Variants in FBXO32 observed in about 807,000 individuals in gnomAD.
The protein encoded by FBXO32 is F-box protein 32.
Under a neutral mutation model 48.3 loss-of-function variants are expected in FBXO32, and 15 were observed. That is an observed-to-expected ratio of 0.31 (90% CI 0.21 to 0.48). The LOEUF (loss-of-function observed/expected upper bound fraction) is 0.48, where lower values mean the gene tolerates loss of function less well. FBXO32 is among the 20% of genes least tolerant of loss of function. The probability of loss-of-function intolerance (pLI) is 0.99; values close to 1 mark genes in which losing one functional copy is unlikely to be tolerated. For synonymous variants in FBXO32, 154 were observed against 165.9 expected (o/e 0.93, Z 0.55); for missense variants, 309 against 432.7 (o/e 0.71, Z 2.54).
intron 4 of FBXO32, among the ~76,000 whole-genome samples, chr8:123,519,164 A>C (rs1160388224): frequency 6.6e-6 from 1 of 152,220 alleles, no homozygotes; most frequent in East Asian, 1.9e-4. Context: ...CAGTTTGTCA[A>C]GGCCAATCAA....
At chr8:123,511,817 G>A (rs901929961) in intron 6 of FBXO32, among the ~76,000 whole-genome samples, 2 of 152,168 alleles carry the variant, frequency 1.3e-5, no homozygotes, top group African/African-American at 2.4e-5. Flanking sequence ...TTGCTGAAGG[G>A]AAGTGCCCTT....
At position 123,533,858 on chromosome 8, in the gene FBXO32, A is replaced by G. The variant is rs542232852; in HGVS notation, c.230-618T>C. On this transcript the variant is annotated intron_variant, in intron 2 of 8. Transcript: ENST00000517956. ...ACAGACTGAGTTACATGCTGTGAAC[A>G]GAGCGGGGTAGATCGCTTGAGCCCT... Among the ~76,000 whole-genome samples, 258 of 151,738 alleles carry G rather than the reference A, an allele frequency of 1.7e-3. 1 individual carries two copies. Among genetic ancestry groups the G allele is most frequent in the African/African-American group, 6.0e-3 (248 of 41,358 alleles).
chr8:123,537,222 G>C lies in FBXO32; in HGVS notation c.117-2408C>G, dbSNP rs192238541. On this transcript the variant is annotated intron_variant, in intron 1 of 8. Coordinates refer to ENST00000517956, the MANE Select transcript of FBXO32 (RefSeq NM_058229.4). ...AACAAGAAAAACCACCACCATTTAG[G>C]AATTGGAGCACAGGATTTTTTTTTT... 3.4e-3 allele frequency among the ~76,000 whole-genome samples: 508 copies of C among 151,334 alleles called. 2 individuals are homozygous for C. Among genetic ancestry groups the C allele is most frequent in the Middle Eastern group, 6.8e-3 (2 of 292 alleles).
rs909313440 is a variant in FBXO32 at position 123,540,144 on chromosome 8, C to G, written c.116+755G>C. The stretch of plus-strand genomic sequence containing the variant: ...AGGCTTTTCGCAGCTGACAGGCACC[C>G]CTGGAAACGGAGTGCACTCTATACA... On this transcript the variant is annotated intron_variant, in intron 1 of 8. Transcript: ENST00000517956. This position sits in a 1 kb window ranked among gnomAD's most constrained non-coding sequence, Gnocchi z 6.4. 7.9e-5 allele frequency among the ~76,000 whole-genome samples: 12 copies of G among 152,158 alleles called. No individual in the cohort carries two copies. The highest frequency in any genetic ancestry group is 1.8e-4 in the Non-Finnish European group (12 of 68,034).
chr8:123,539,214 C>A (rs1006874782), intron 1 of FBXO32, among the ~76,000 whole-genome samples: 2 of 152,106 alleles, frequency 1.3e-5, no homozygotes, highest in African/African-American at 4.8e-5. Context: ...GAGCATCCTG[C>A]AATTATATTT....
chr8:123,528,265 C>T (rs1022104907), intron 4 of FBXO32, among the ~76,000 whole-genome samples: 11 of 152,240 alleles, frequency 7.2e-5, no homozygotes, highest in Non-Finnish European at 1.5e-4. Flanking sequence ...GTGATGGTCT[C>T]CGAAACCTTC....
Position 123,504,590 on chromosome 8 carries a change from T to C in FBXO32, c.978+14A>G. ...GGGCTGGGGGTCTGTGGCAGCCACCTCTGAGACACATACCTTCCAGGAAAG... is the reference window on the plus strand; with the variant it reads ...GGGCTGGGGGTCTGTGGCAGCCACCCCTGAGACACATACCTTCCAGGAAAG... On this transcript the variant is annotated intron_variant, in intron 8 of 8. Transcript: ENST00000517956. 1 of 1,610,176 alleles carries C rather than the reference T, an allele frequency of 6.2e-7. No individual in the cohort carries two copies. Among genetic ancestry groups the C allele is most frequent in the Non-Finnish European group, 8.5e-7 (1 of 1,178,200 alleles).
chr8:123,538,686 A>G (rs1316760824), intron 1 of FBXO32, among the ~76,000 whole-genome samples: 1 of 152,196 alleles, frequency 6.6e-6, no homozygotes, highest in Non-Finnish European at 1.5e-5. Flanking sequence ...CTTTGCTAGG[A>G]GGCTACCAAA....
chr8:123,519,291 C>T (rs933589440), intron 4 of FBXO32, among the ~76,000 whole-genome samples: 3 of 152,116 alleles, frequency 2.0e-5, no homozygotes, highest in Admixed American at 6.5e-5. Flanking sequence ...TGGCGGCTCA[C>T]GCCTGTAATC....
At chr8:123,528,286 C>T (rs1817129561) in intron 4 of FBXO32, among the ~76,000 whole-genome samples, 1 of 152,162 alleles carries the variant, frequency 6.6e-6, no homozygotes, top group African/African-American at 2.4e-5. Context: ...TCCTGGTTGA[C>T]TTGATGCCCA....
chr8:123,535,290 C>A (rs1351610570), intron 1 of FBXO32, among the ~76,000 whole-genome samples: 1 of 152,108 alleles, frequency 6.6e-6, no homozygotes, highest in Non-Finnish European at 1.5e-5. Flanking sequence ...ACATACCATA[C>A]AATTCATCCA....
intron 1 of FBXO32, among the ~76,000 whole-genome samples, chr8:123,538,906 G>A (rs1817360265): frequency 6.6e-6 from 1 of 152,122 alleles, no homozygotes; most frequent in Admixed American, 6.5e-5. Flanking sequence ...CCATCTTCAG[G>A]TCTTCCATAC....
chr8:123,506,329 A>G lies in FBXO32; in HGVS notation c.834+63T>C. 6.4e-7 allele frequency: 1 copy of G among 1,565,348 alleles called. No individual in the cohort carries two copies. The highest frequency in any genetic ancestry group is 8.7e-7 in the Non-Finnish European group (1 of 1,145,184). On this transcript the variant is annotated intron_variant, in intron 7 of 8. Transcript: ENST00000517956. The surrounding 1 kb of genome is among the most constrained non-coding windows in gnomAD (Gnocchi z 4.0). The stretch of plus-strand genomic sequence containing the variant: ...GACCTCAGGCTTGAGCAGGGCACCA[A>G]GGAAGTTTGGGGTGAGGGCCAGAGA...
In FBXO32 at chr8:123,498,860, A is replaced by C. The variant is rs1463273386; in HGVS notation, c.*4513T>G. ...CTCACTGGAATGCCACATTCACAACAGAATCAGAGGTCTGTGAAAACATTA... is the reference window on the plus strand; with the variant it reads ...CTCACTGGAATGCCACATTCACAACCGAATCAGAGGTCTGTGAAAACATTA... On this transcript the variant is annotated 3_prime_UTR_variant, in exon 9 of 9. Coordinates refer to ENST00000517956, the MANE Select transcript of FBXO32 (RefSeq NM_058229.4). The C allele has an allele frequency of 1.3e-5, 2 of 152,246 alleles. No homozygotes were observed. The highest frequency in any genetic ancestry group is 1.3e-4 in the Admixed American group (2 of 15,284). The allele number at this position is 152,246 out of a possible 1,614,324, so 9.4% of individuals were successfully genotyped here.
Position 123,506,266 on chromosome 8 carries a change from T to G in FBXO32, c.834+126A>C. 9.5e-7 allele frequency: 1 copy of G among 1,047,472 alleles called. No homozygotes were observed. The highest frequency in any genetic ancestry group is 1.5e-5 in the South Asian group (1 of 64,640). 64.9% of individuals were successfully genotyped at this position (1,047,472 alleles called of 1,614,324 possible). A position where few individuals can be genotyped will look rare whatever the true frequency, so the allele number is the denominator to read the frequency against. On this transcript the variant is annotated intron_variant, in intron 7 of 8. Transcript: ENST00000517956. This position sits in a 1 kb window ranked among gnomAD's most constrained non-coding sequence, Gnocchi z 4.0. Reference sequence around the variant, plus strand: ...CACAAAACTCCTTCAACTGTCATTTTTCAGTCAAACCAGGGAACCTGGAAT... The same window carrying G: ...CACAAAACTCCTTCAACTGTCATTTGTCAGTCAAACCAGGGAACCTGGAAT...
chr8:123,541,083 G>C lies in FBXO32; in HGVS notation c.-69C>G, dbSNP rs905078025. On this transcript the variant is annotated 5_prime_UTR_variant, in exon 1 of 9. Coordinates refer to ENST00000517956, the MANE Select transcript of FBXO32 (RefSeq NM_058229.4). The stretch of plus-strand genomic sequence containing the variant: ...TGGTGGGCTCGGGGACGTGCCACCC[G>C]GGGCGGATGCTCGGGGTGCAGGGGC... The C allele has an allele frequency of 1.0e-5, 11 of 1,070,388 alleles. No individual in the cohort carries two copies. Among genetic ancestry groups the C allele is most frequent in the African/African-American group, 1.7e-5 (1 of 59,816 alleles). 66.3% of individuals were successfully genotyped at this position (1,070,388 alleles called of 1,614,324 possible). A position where few individuals can be genotyped will look rare whatever the true frequency, so the allele number is the denominator to read the frequency against.
At chr8:123,538,387 C>T (rs1184790363) in intron 1 of FBXO32, among the ~76,000 whole-genome samples, 1 of 152,178 alleles carries the variant, frequency 6.6e-6, no homozygotes, top group African/African-American at 2.4e-5. Flanking sequence ...TCTACCATGT[C>T]TCTGTAGTTC....
At chr8:123,536,559 T>C (rs1375179599) in intron 1 of FBXO32, among the ~76,000 whole-genome samples, 2 of 152,208 alleles carry the variant, frequency 1.3e-5, no homozygotes, top group Non-Finnish European at 2.9e-5. Flanking sequence ...GAGTGGTCCA[T>C]GATGTACCAC....
At chr8:123,535,319 T>C (rs1043534350) in intron 1 of FBXO32, among the ~76,000 whole-genome samples, 1 of 152,204 alleles carries the variant, frequency 6.6e-6, no homozygotes, top group Non-Finnish European at 1.5e-5. Flanking sequence ...ATACTTAAGC[T>C]GCTTTTAAGT....
Sources: gnomAD v4.1 joint callset for allele counts (sites outside exome capture counted in the v4.1 genomes callset) on GRCh38, gnomAD v4.1.1 for gene constraint, Gnocchi (gnomAD v3.1) non-coding constraint, MANE v1.5 for transcripts, NCBI Gene and HGNC (gene_info 2026-07-23, HGNC 2026-07-21) for gene names.